RBFOX1: variants seen among roughly 807,000 people sequenced by gnomAD.
The protein encoded by RBFOX1 is RNA binding protein fox-1 homolog 1.
A neutral mutation model predicts 57.7 loss-of-function variants in RBFOX1; 8 were observed. The observed-to-expected ratio is 0.14, with a 90% CI of 0.08 to 0.25. The LOEUF (loss-of-function observed/expected upper bound fraction) is 0.25, where lower values mean the gene tolerates loss of function less well. RBFOX1 is among the 10% of genes least tolerant of loss of function. The probability of loss-of-function intolerance (pLI) is 1.00; values close to 1 mark genes in which losing one functional copy is unlikely to be tolerated. For missense variants in RBFOX1, 611 were observed against 548.5 expected, an observed-to-expected ratio of 1.11 and a Z score of -1.14; for synonymous variants, 326 against 222.4, an observed-to-expected ratio of 1.47 and a Z score of -4.15.
At chr16:7,300,794 C>G (rs561637105) in intron 4 of RBFOX1, among the ~76,000 whole-genome samples, 2 of 152,178 alleles carry the variant, frequency 1.3e-5, no homozygotes, top group Non-Finnish European at 2.9e-5. Flanking sequence ...TAGTTGCCTT[C>G]TGCCTAAGGA....
At chr16:7,062,223 G>A (rs907815016) in intron 4 of RBFOX1, among the ~76,000 whole-genome samples, 6 of 150,222 alleles carry the variant, frequency 4.0e-5, no homozygotes, top group Non-Finnish European at 8.8e-5. Flanking sequence ...GGAGGCTGAG[G>A]CAGGAGAATG....
At chr16:5,929,088 G>A (rs1050049180) in intron 4 of RBFOX1, among the ~76,000 whole-genome samples, 1 of 150,392 alleles carries the variant, frequency 6.6e-6, no homozygotes, top group Admixed American at 6.6e-5. Flanking sequence ...AGTCCAGACC[G>A]ACTGGCTTGG....
At chr16:5,996,293 C>T (rs2060489060) in intron 4 of RBFOX1, among the ~76,000 whole-genome samples, 1 of 152,158 alleles carries the variant, frequency 6.6e-6, no homozygotes, top group African/African-American at 2.4e-5. Flanking sequence ...TTCATTTCAC[C>T]AGACGATGTA....
intron 4 of RBFOX1, among the ~76,000 whole-genome samples, chr16:7,403,177 G>T (rs1568658259): frequency 1.3e-5 from 2 of 152,114 alleles, no homozygotes; most frequent in Non-Finnish European, 1.5e-5. Context: ...ACATTATGCA[G>T]TGACCACCAC....
rs945295168 is a variant in RBFOX1, at chr16:5,954,526, A to G, written c.351+87191A>G. Among the ~76,000 whole-genome samples, 4 of 152,158 alleles carry G rather than the reference A, an allele frequency of 2.6e-5. No homozygotes were observed. In the East Asian group the frequency reaches 7.7e-4, roughly 29 times the overall value. ...CCTTGCGTGGCATCTTGAGTCTTCC[A>G]TTATTAAAAGTGTTCTTAATTAAAG... On this transcript the variant is annotated intron_variant, in intron 4 of 19. Transcript: ENST00000641259.
chr16:6,304,172 C>T (rs1428927441), intron 1 of RBFOX1, among the ~76,000 whole-genome samples: 4 of 151,444 alleles, frequency 2.6e-5, no homozygotes, highest in East Asian at 2.0e-4. Flanking sequence ...CCTGTAGTCC[C>T]GGCTATTCAG....
chr16:7,147,367 C>CA (rs1350468213), intron 4 of RBFOX1, among the ~76,000 whole-genome samples: 1 of 151,636 alleles, frequency 6.6e-6, no homozygotes, highest in African/African-American at 2.4e-5. Flanking sequence ...AGGTCTGTTA[C>CA]ACAGGTAAAC....
At chr16:7,008,456 C>T (rs985878926) in intron 3 of RBFOX1, among the ~76,000 whole-genome samples, 30 of 151,960 alleles carry the variant, frequency 2.0e-4, no homozygotes, top group African/African-American at 6.8e-4. Context: ...AGCAGAATCG[C>T]TTGAACCTAG....
chr16:6,775,316 C>A (rs904519967), intron 3 of RBFOX1, among the ~76,000 whole-genome samples: 3 of 123,140 alleles, frequency 2.4e-5, no homozygotes, highest in Non-Finnish European at 4.8e-5. Context: ...GGCGATACAG[C>A]GAGACTCTGT....
At chr16:7,042,875 G>C (rs930258633) in intron 3 of RBFOX1, among the ~76,000 whole-genome samples, 1 of 152,170 alleles carries the variant, frequency 6.6e-6, no homozygotes, top group Non-Finnish European at 1.5e-5. Flanking sequence ...TCAGTGAGCT[G>C]AGATTGCGCC....
chr16:5,767,958 A>G (rs2053845860), intron 3 of RBFOX1, among the ~76,000 whole-genome samples: 1 of 151,626 alleles, frequency 6.6e-6, no homozygotes, highest in Non-Finnish European at 1.5e-5. Context: ...AAAAAAATGT[A>G]TATATTTTTC....
intron 3 of RBFOX1, among the ~76,000 whole-genome samples, chr16:6,785,407 C>G (rs553511642): frequency 6.6e-6 from 1 of 152,254 alleles, no homozygotes; most frequent in Non-Finnish European, 1.5e-5. Flanking sequence ...GGAGAGGTCA[C>G]TGTTTTTAGG....
intron 5 of RBFOX1, among the ~76,000 whole-genome samples, chr16:7,564,116 T>C (rs1023365620): frequency 6.6e-5 from 10 of 152,042 alleles, no homozygotes; most frequent in African/African-American, 2.4e-4. Flanking sequence ...GGGATGGTGT[T>C]TGGAAATGGG....
intron 3 of RBFOX1, among the ~76,000 whole-genome samples, chr16:6,869,071 G>T (rs780621516): frequency 6.6e-6 from 1 of 152,148 alleles, no homozygotes. Flanking sequence ...AACTTCCATT[G>T]CTATAAGCCA....
intron 1 of RBFOX1, among the ~76,000 whole-genome samples, chr16:6,180,834 G>A (rs533980002): frequency 2.0e-5 from 3 of 152,226 alleles, no homozygotes; most frequent in Admixed American, 2.0e-4. Context: ...CCAACATGCT[G>A]GGATTACAGG....
intron 3 of RBFOX1, among the ~76,000 whole-genome samples, chr16:6,806,825 T>TATATATATATAA (rs2086908356): frequency 2.0e-5 from 1 of 50,124 alleles, no homozygotes; most frequent in Admixed American, 2.3e-4. Flanking sequence ...TAAATATATA[T>TATATATATATAA]ATATATATAT....
intron 3 of RBFOX1, among the ~76,000 whole-genome samples, chr16:6,688,236 A>T (rs2059724079): frequency 6.6e-6 from 1 of 152,000 alleles, no homozygotes; most frequent in Non-Finnish European, 1.5e-5. Flanking sequence ...GGAGGAAGAG[A>T]GAGATGGCAG....
At chr16:5,418,478 A>C (rs113013353) in intron 1 of RBFOX1, among the ~76,000 whole-genome samples, 1,601 of 152,306 alleles carry the variant, frequency 0.011, 38 homozygotes, top group African/African-American at 0.037. Context: ...ATTATTGGTT[A>C]CAGGACAGAG....
intron 1 of RBFOX1, among the ~76,000 whole-genome samples, chr16:5,371,299 G>A (rs528913693): frequency 1.6e-4 from 24 of 152,264 alleles, no homozygotes; most frequent in African/African-American, 5.8e-4. Context: ...CCTTAAGAAG[G>A]GCCCTCATCC....
Sources: gnomAD v4.1 joint callset for allele counts (sites outside exome capture counted in the v4.1 genomes callset) on GRCh38, gnomAD v4.1.1 for gene constraint, MANE v1.5 for transcripts, NCBI Gene and HGNC (gene_info 2026-07-23, HGNC 2026-07-21) for gene names.